The following MAGED1 variants were observed in gnomAD, a reference collection of about 807,000 sequenced individuals.
The protein encoded by MAGED1 is MAGE family member D1.
A neutral mutation model predicts 54.1 loss-of-function variants in MAGED1; 3 were observed. The ratio of observed to expected loss-of-function variants is 0.06; its 90% CI spans 0.03 to 0.14. MAGED1 has a LOEUF of 0.14. Among genes scored for constraint, MAGED1 ranks in the 10% least tolerant of loss-of-function variants. The pLI is 1.00. For synonymous variants in MAGED1, 217 were observed against 227.3 expected (o/e 0.95, Z 0.41); for missense variants, 485 against 623.4 (o/e 0.78, Z 2.36).
Position 51,897,000 on chromosome X carries a change from C to T in MAGED1, c.1345C>T (p.Arg449Cys), listed in dbSNP as rs782743389. ...GAACCTGCGCCCCTCGCCTAACCTG[C>T]GCCCTTCTCCCAACTCGCGTGCCTC... is the stretch of plus-strand genomic sequence containing the variant. Reference protein sequence around the residue: ...WQNLRPSPNLRPSPNSRASQN... With the variant: ...WQNLRPSPNLCPSPNSRASQN... Residue 449 changes from arginine to cysteine, a missense_variant, in exon 4 of 13, where the codon CGC becomes TGC. Arg to Cys is a radical substitution (Grantham distance 180). This residue lies in a region of MAGED1 where 186 missense variants were observed against 330.3 expected (regional missense o/e 0.56). Coordinates refer to ENST00000326587, the MANE Select transcript of MAGED1 (RefSeq NM_006986.4). 2.5e-6 allele frequency: 3 copies of T among 1,209,867 alleles called. No homozygotes were observed. Among genetic ancestry groups the T allele is most frequent in the South Asian group, 1.8e-5 (1 of 56,651 alleles).
intron 2 of MAGED1, chrX:51,894,638 T>C (rs1557363925): frequency 1.7e-6 from 2 of 1,192,314 alleles, no homozygotes; most frequent in Non-Finnish European, 2.3e-6. Context: ...ATCCTGACGC[T>C]TGTAGAGCAG....
chrX:51,859,291 A>G (rs782415448), intron 1 of MAGED1, among the ~76,000 whole-genome samples: 1 of 111,364 alleles, frequency 9.0e-6, no homozygotes. Flanking sequence ...TTAACACTCT[A>G]TAATAGACCT....
upstream of MAGED1, among the ~76,000 whole-genome samples, chrX:51,892,579 G>T (rs891273057): frequency 8.9e-6 from 1 of 111,934 alleles, no homozygotes; most frequent in Admixed American, 9.4e-5. Flanking sequence ...CAATTCCCAC[G>T]CCTGGATGGA....
intron 2 of MAGED1, 86 bp from the exon 3 acceptor site, chrX:51,894,967 T>G: frequency 1.1e-6 from 1 of 940,923 alleles, no homozygotes; most frequent in Non-Finnish European, 1.4e-6. Context: ...GCTCCGCTGC[T>G]GCGCTGCCAC....
At chrX:51,817,772 G>A (rs1399854959) in intron 1 of MAGED1, among the ~76,000 whole-genome samples, 11 of 111,824 alleles carry the variant, frequency 9.8e-5, no homozygotes, top group African/African-American at 3.6e-4. Context: ...TGTGCCACAC[G>A]TAGTGCAAGG....
At chrX:51,832,446 A>G (rs1449883751) in intron 1 of MAGED1, among the ~76,000 whole-genome samples, 1 of 108,287 alleles carries the variant, frequency 9.2e-6, no homozygotes, top group Non-Finnish European at 1.9e-5. Flanking sequence ...CCCATTAACC[A>G]CTCCCACTTT....
intron 1 of MAGED1, among the ~76,000 whole-genome samples, chrX:51,846,984 C>T (rs1223929233): frequency 8.9e-6 from 1 of 112,091 alleles, no homozygotes; most frequent in East Asian, 2.8e-4. Flanking sequence ...TTTTAAGCAA[C>T]TAAGTTTGTC....
At chrX:51,823,639 AG>A (rs1426218535) in intron 1 of MAGED1, among the ~76,000 whole-genome samples, 1 of 111,704 alleles carries the variant, frequency 9.0e-6, no homozygotes, top group East Asian at 2.8e-4. Context: ...GTTACTCTTC[AG>A]GTAGAATTTA....
At chrX:51,812,521 G>A (rs1384621192) in intron 1 of MAGED1, among the ~76,000 whole-genome samples, 3 of 111,992 alleles carry the variant, frequency 2.7e-5, no homozygotes, top group African/African-American at 9.7e-5. Context: ...GTGGCCTTCT[G>A]TGTCTCACTT....
chrX:51,876,738 G>GAA (rs782749267), intron 1 of MAGED1, among the ~76,000 whole-genome samples: 152 of 111,191 alleles, frequency 1.4e-3, no homozygotes, highest in African/African-American at 4.8e-3. Flanking sequence ...GTTCTTTTTA[G>GAA]AATGTGGAGG....
chrX:51,845,102 C>T (rs1405227391), intron 1 of MAGED1, among the ~76,000 whole-genome samples: 1 of 110,675 alleles, frequency 9.0e-6, no homozygotes, highest in African/African-American at 3.3e-5. Flanking sequence ...CATGGTGGTG[C>T]GTGCCTGTAG....
intron 1 of MAGED1, among the ~76,000 whole-genome samples, chrX:51,834,033 A>G (rs1926160932): frequency 8.9e-6 from 1 of 112,158 alleles, no homozygotes; most frequent in African/African-American, 3.2e-5. Context: ...TATATGGTAG[A>G]AATATATGCA....
chrX:51,808,737 A>G (rs1341584226), intron 1 of MAGED1, among the ~76,000 whole-genome samples: 1 of 111,709 alleles, frequency 9.0e-6, no homozygotes, highest in Non-Finnish European at 1.9e-5. Flanking sequence ...ATAAACATGA[A>G]TGTATCCATT....
intron 1 of MAGED1, among the ~76,000 whole-genome samples, chrX:51,809,239 C>T (rs894239154): frequency 9.0e-6 from 1 of 111,348 alleles, no homozygotes; most frequent in Non-Finnish European, 1.9e-5. Context: ...CTCAGGCTCC[C>T]GAGTAGCTGG....
intron 1 of MAGED1, among the ~76,000 whole-genome samples, chrX:51,840,784 A>G (rs1417968236): frequency 1.2e-4 from 13 of 110,222 alleles, no homozygotes; most frequent in African/African-American, 4.3e-4. Flanking sequence ...TTATGGCTGC[A>G]TAGTATTCCA....
chrX:51,902,122 ACTT>A (rs1331580544), intron 12 of MAGED1, 21 bp from the exon 13 acceptor site: 10 of 380,187 alleles, frequency 2.6e-5, no homozygotes, highest in Non-Finnish European at 3.8e-5. Context: ...TGATTTTTTT[ACTT>A]CTTCTTTCTT....
In MAGED1 at chrX:51,896,869, C is replaced by T. The variant is rs1241941161; in HGVS notation, c.1214C>T (p.Pro405Leu). 9.2e-6 allele frequency: 11 copies of T among 1,201,377 alleles called. No homozygotes were observed. The East Asian group carries it at 1.2e-4, about 13-fold the overall frequency. The stretch of plus-strand genomic sequence containing the variant: ...GACTGGCAAGGTCCTCCTGACTGGC[C>T]GCTACCACCCGACTGGCCACTGCCA... ...PPDWQGPPDW[P>L]LPPDWPLPPD... The change falls in exon 4 of 13, where the codon CCG becomes CTG. Residue 405 changes from proline (P) to leucine (L), a missense_variant. By Grantham distance (98) the Pro-to-Leu change is moderately conservative (BLOSUM62 -3). Transcript: ENST00000326587.
At chrX:51,828,694 T>C (rs182955346) in intron 1 of MAGED1, among the ~76,000 whole-genome samples, 26 of 111,705 alleles carry the variant, frequency 2.3e-4, no homozygotes, top group African/African-American at 7.4e-4. Flanking sequence ...GAGTGACATC[T>C]TCCCAGTTCT....
At chrX:51,817,600 G>T (rs1925481399) in intron 1 of MAGED1, among the ~76,000 whole-genome samples, 1 of 112,000 alleles carries the variant, frequency 8.9e-6, no homozygotes, top group Non-Finnish European at 1.9e-5. Flanking sequence ...TTTTGCCATT[G>T]TACACTATCT....
Sources: gnomAD v4.1 joint callset for allele counts (sites outside exome capture counted in the v4.1 genomes callset) on GRCh38, gnomAD v4.1.1 for gene constraint, gnomAD v4.1.1 regional missense constraint, MANE v1.5 for transcripts, NCBI Gene and HGNC (gene_info 2026-07-23, HGNC 2026-07-21) for gene names.